Variants in ANKRD36B observed in about 807,000 individuals in gnomAD.
ANKRD36B encodes the protein ankyrin repeat domain-containing protein 36B.
In ANKRD36B, 37 loss-of-function variants were observed where a neutral mutation model predicts 135.7. The observed-to-expected ratio is 0.27, with a 90% CI of 0.21 to 0.36. The LOEUF is 0.36. Ranked by LOEUF, ANKRD36B falls within the 10% of genes least tolerant of loss-of-function variation. The probability of loss-of-function intolerance (pLI) is 1.00; values close to 1 mark genes in which losing one functional copy is unlikely to be tolerated. For synonymous variants in ANKRD36B, 179 were observed against 348.1 expected (o/e 0.51, Z 5.41); for missense variants, 549 against 1,037.1 (o/e 0.53, Z 6.46).
chr2:97,586,723 ATTAAT>A (rs1031234698), intron 1 of ANKRD36B, among the ~76,000 whole-genome samples: 3 of 152,228 alleles, frequency 2.0e-5, no homozygotes, highest in Non-Finnish European at 2.9e-5. Context: ...AACTAAAATA[ATTAAT>A]TTAAAATTGT....
intron 16 of ANKRD36B, 87 bp downstream of exon 16, chr2:97,553,081 C>A (rs9677087): frequency 1.3e-5 from 20 of 1,492,230 alleles, no homozygotes; most frequent in Non-Finnish European, 1.6e-5. Flanking sequence ...GCGAGCCCCC[C>A]ACCCGCCCTG....
chr2:97,516,285 T>C lies in ANKRD36B; in HGVS notation c.2408-340A>G, dbSNP rs1188778155. Among the ~76,000 whole-genome samples the C allele has an allele frequency of 1.9e-3, 47 of 24,714 alleles. No individual in the cohort carries two copies. In the East Asian group the frequency reaches 0.023, roughly 12 times the overall value. 16.2% of individuals were successfully genotyped at this position (24,714 alleles called of 152,430 possible). A position where few individuals can be genotyped will look rare whatever the true frequency, so the allele number is the denominator to read the frequency against. ...AGGGAAGATTTCCCTGAGGAAGAGA[T>C]GCTACACTGAGAAATGAAGGATGAG... On this transcript the variant is annotated intron_variant, in intron 36 of 43. Transcript: ENST00000359901.
At position 97,529,098 on chromosome 2, in the gene ANKRD36B, C is replaced by G. The variant is rs566921562; in HGVS notation, c.2265+3213G>C. Among the ~76,000 whole-genome samples the G allele has an allele frequency of 4.2e-5, 4 of 95,644 alleles. 1 individual carries two copies. Among genetic ancestry groups the G allele is most frequent in the Non-Finnish European group, 1.1e-4 (4 of 36,016 alleles). The allele number at this position is 95,644 out of a possible 152,430, so 62.7% of individuals were successfully genotyped here. On this transcript the variant is annotated intron_variant, in intron 35 of 43. Coordinates refer to ENST00000359901, the MANE Select transcript of ANKRD36B (RefSeq NM_001393939.1). ...TACCAAAGCTGGGCAGAGACACAAC[C>G]AAAAAAGAGAATTTTAGACCAATAT... is the stretch of plus-strand genomic sequence containing the variant.
At chr2:97,551,975 A>C (rs926923153) in intron 16 of ANKRD36B, among the ~76,000 whole-genome samples, 1 of 151,982 alleles carries the variant, frequency 6.6e-6, no homozygotes, top group African/African-American at 2.4e-5. Flanking sequence ...CGTACACTTC[A>C]CATCTCTTCA....
At chr2:97,516,192 TAAAA>T (rs1159226772) in intron 36 of ANKRD36B, among the ~76,000 whole-genome samples, 45 of 33,520 alleles carry the variant, frequency 1.3e-3, no homozygotes, top group African/African-American at 3.1e-3. Context: ...ATAGGTCCTG[TAAAA>T]AAAAAAAAAA....
intron 1 of ANKRD36B, among the ~76,000 whole-genome samples, chr2:97,588,337 GT>G (rs1473530149): frequency 6.6e-6 from 1 of 151,756 alleles, no homozygotes; most frequent in Non-Finnish European, 1.5e-5. Context: ...GGCAATTGCG[GT>G]TTTCGCCATT....
intron 30 of ANKRD36B, among the ~76,000 whole-genome samples, chr2:97,539,423 C>T (rs1390502547): frequency 1.0e-5 from 1 of 96,716 alleles, no homozygotes; most frequent in Non-Finnish European, 2.8e-5. Flanking sequence ...TCTAGGAGTC[C>T]TTCCTGCTTC....
chr2:97,574,441 G>C (rs2082095501), intron 6 of ANKRD36B, among the ~76,000 whole-genome samples: 1 of 152,124 alleles, frequency 6.6e-6, no homozygotes, highest in South Asian at 2.1e-4. Flanking sequence ...ACTGTTGGTG[G>C]GACTGTAAAC....
At chr2:97,576,195 C>G (rs1370115112) in intron 6 of ANKRD36B, among the ~76,000 whole-genome samples, 184 bp downstream of exon 6, 1 of 150,502 alleles carries the variant, frequency 6.6e-6, no homozygotes, top group African/African-American at 2.4e-5. Flanking sequence ...TCAAACAATA[C>G]TGAGATTATA....
intron 6 of ANKRD36B, among the ~76,000 whole-genome samples, chr2:97,570,324 T>G (rs182388978): frequency 2.6e-4 from 40 of 152,322 alleles, no homozygotes; most frequent in African/African-American, 7.2e-4. Flanking sequence ...AGAAAATAAT[T>G]CATATAACAG....
rs1265015377 is a variant in ANKRD36B, at chr2:97,530,157, C to T, written c.2265+2154G>A. ...TCACACTACCTGACTTCAAACTATA[C>T]TACAAGGCTACAGTAACCAAAACAG... On this transcript the variant is annotated intron_variant, in intron 35 of 43. Coordinates refer to ENST00000359901, the MANE Select transcript of ANKRD36B (RefSeq NM_001393939.1). 1.8e-4 allele frequency among the ~76,000 whole-genome samples: 17 copies of T among 96,232 alleles called. 6 individuals are homozygous for T. The highest frequency in any genetic ancestry group is 1.2e-3 in the South Asian group (5 of 4,234). The allele number at this position is 96,232 out of a possible 152,430, so 63.1% of individuals were successfully genotyped here.
rs1488400343 is a variant in ANKRD36B at position 97,531,495 on chromosome 2, A to G, written c.2265+816T>C. ...TGGGTGCAGCGTACCAGCATGGCAC[A>G]TATATACATATGTAACTAACCTGCA... On this transcript the variant is annotated intron_variant, in intron 35 of 43. Coordinates refer to ENST00000359901, the MANE Select transcript of ANKRD36B (RefSeq NM_001393939.1). Among the ~76,000 whole-genome samples the G allele has an allele frequency of 2.2e-5, 2 of 92,280 alleles. 1 individual carries two copies. Among genetic ancestry groups the G allele is most frequent in the Admixed American group, 1.9e-4 (2 of 10,354 alleles). 60.5% of individuals were successfully genotyped at this position (92,280 alleles called of 152,430 possible).
At chr2:97,553,292 T>C (rs368811626) in intron 15 of ANKRD36B, 51 bp downstream of exon 15, 3 of 1,605,004 alleles carry the variant, frequency 1.9e-6, no homozygotes, top group Non-Finnish European at 2.6e-6. Flanking sequence ...TGAAGTATGT[T>C]TCATAGACTA....
intron 5 of ANKRD36B, 60 bp downstream of exon 5, chr2:97,578,846 T>C: frequency 6.3e-7 from 1 of 1,577,758 alleles, no homozygotes; most frequent in Non-Finnish European, 8.6e-7. Flanking sequence ...AAGATGCAAT[T>C]GTTACAATTA....
intron 6 of ANKRD36B, among the ~76,000 whole-genome samples, chr2:97,568,285 C>G (rs2081590270): frequency 6.6e-6 from 1 of 152,030 alleles, no homozygotes; most frequent in Non-Finnish European, 1.5e-5. Context: ...ACAACAGTTT[C>G]TCCACCTCTT....
chr2:97,561,064 T>C (rs1485478669), intron 6 of ANKRD36B, among the ~76,000 whole-genome samples: 1 of 151,568 alleles, frequency 6.6e-6, no homozygotes, highest in Admixed American at 6.6e-5. Flanking sequence ...TCAAGAAATA[T>C]ACACTGACAA....
At chr2:97,532,724 C>CA (rs565689864) in intron 34 of ANKRD36B, among the ~76,000 whole-genome samples, 608 of 37,900 alleles carry the variant, frequency 0.016, 85 homozygotes, top group African/African-American at 0.031. Context: ...GACTGTGTCT[C>CA]AAAAAAAAAA....
rs191858529 is a variant in ANKRD36B at position 97,533,009 on chromosome 2, G to C, written c.2192-625C>G. 7.3e-5 allele frequency among the ~76,000 whole-genome samples: 7 copies of C among 96,458 alleles called. 3 individuals carry two copies. Among genetic ancestry groups the C allele is most frequent in the Admixed American group, 1.8e-4 (2 of 10,910 alleles). The allele number at this position is 96,458 out of a possible 152,430, so 63.3% of individuals were successfully genotyped here. On this transcript the variant is annotated intron_variant, in intron 34 of 43. Transcript: ENST00000359901. ...GAAACAGAAAAAGTAACAGCACACT[G>C]TTCTTTACTTCACAATAGTACCTTT...
chr2:97,578,547 A>G (rs13423787), intron 5 of ANKRD36B, among the ~76,000 whole-genome samples: 84,470 of 151,726 alleles, frequency 0.56, 25,141 homozygotes, highest in Non-Finnish European at 0.67. Context: ...GTTTTTTGAT[A>G]AACTGGACAT....
Sources: gnomAD v4.1 joint callset for allele counts (sites outside exome capture counted in the v4.1 genomes callset) on GRCh38, gnomAD v4.1.1 for gene constraint, MANE v1.5 for transcripts, NCBI Gene and HGNC (gene_info 2026-07-23, HGNC 2026-07-21) for gene names.